Variants in DCLK1 observed in about 807,000 individuals in gnomAD.
The protein encoded by DCLK1 is serine/threonine-protein kinase DCLK1.
In DCLK1, 16 loss-of-function variants were observed where a neutral mutation model predicts 86.2. That is an observed-to-expected ratio of 0.19 (90% CI 0.13 to 0.28). The LOEUF is 0.28. Among genes scored for constraint, DCLK1 ranks in the 10% least tolerant of loss-of-function variants. The pLI is 1.00. For missense variants in DCLK1, 590 were observed against 940.2 expected (o/e 0.63, Z 4.87); for synonymous variants, 369 against 370.5 (o/e 1.00, Z 0.05).
At chr13:36,001,304 C>G (rs1334289376) in intron 3 of DCLK1, among the ~76,000 whole-genome samples, 2 of 152,140 alleles carry the variant, frequency 1.3e-5, no homozygotes, top group Non-Finnish European at 2.9e-5. Flanking sequence ...AAACATCCAA[C>G]AGCAAAAAAC....
intron 3 of DCLK1, among the ~76,000 whole-genome samples, chr13:35,967,311 C>T (rs1477830074): frequency 2.0e-5 from 3 of 152,188 alleles, no homozygotes; most frequent in Admixed American, 6.5e-5. Context: ...CCGGCCGCCA[C>T]CCCATCTGGG....
At chr13:36,086,221 G>A (rs551047434) in intron 3 of DCLK1, among the ~76,000 whole-genome samples, 2 of 152,032 alleles carry the variant, frequency 1.3e-5, no homozygotes, top group South Asian at 4.2e-4. Context: ...TAGCTCCTTC[G>A]ACAAACCAAG....
At chr13:35,972,830 G>A (rs1339568471) in intron 3 of DCLK1, among the ~76,000 whole-genome samples, 1 of 152,148 alleles carries the variant, frequency 6.6e-6, no homozygotes, top group Non-Finnish European at 1.5e-5. Flanking sequence ...CCTGTATCCT[G>A]ATGACACGCA....
chr13:36,013,425 T>G (rs1236195902), intron 3 of DCLK1, among the ~76,000 whole-genome samples: 6 of 152,110 alleles, frequency 3.9e-5, no homozygotes, highest in East Asian at 1.9e-4. Context: ...GTCCTTTCTG[T>G]TTGTTAGTTT....
chr13:36,115,575 T>G (rs1885756394), intron 2 of DCLK1, among the ~76,000 whole-genome samples: 1 of 152,086 alleles, frequency 6.6e-6, no homozygotes, highest in South Asian at 2.1e-4. Flanking sequence ...GATTCTATGA[T>G]AAGTCTGATT....
chr13:36,060,293 T>C (rs1206120627), intron 3 of DCLK1, among the ~76,000 whole-genome samples: 1 of 152,204 alleles, frequency 6.6e-6, no homozygotes, highest in Non-Finnish European at 1.5e-5. Context: ...AATCAACAAT[T>C]CATTCAATCA....
intron 5 of DCLK1, among the ~76,000 whole-genome samples, chr13:35,868,741 C>A (rs909260458): frequency 1.3e-5 from 2 of 152,014 alleles, no homozygotes; most frequent in Admixed American, 6.6e-5. Context: ...TGACTTTGTT[C>A]TCCTTTATTG....
At chr13:36,088,417 C>A (rs1301212524) in intron 3 of DCLK1, among the ~76,000 whole-genome samples, 1 of 152,206 alleles carries the variant, frequency 6.6e-6, no homozygotes, top group Non-Finnish European at 1.5e-5. Context: ...ATGTAGGGTC[C>A]AGTCTTAAGG....
At chr13:36,060,509 T>TAA (rs1566664420) in intron 3 of DCLK1, among the ~76,000 whole-genome samples, 1 of 152,224 alleles carries the variant, frequency 6.6e-6, no homozygotes, top group Non-Finnish European at 1.5e-5. Context: ...TTCCGTATTA[T>TAA]ACTTGACTGA....
At chr13:35,785,549 G>C (rs535531208) in intron 16 of DCLK1, among the ~76,000 whole-genome samples, 1 of 152,110 alleles carries the variant, frequency 6.6e-6, no homozygotes, top group Non-Finnish European at 1.5e-5. Context: ...GGAGAATGGA[G>C]AGAAAGGGGA....
chr13:35,828,165 A>AAGGG, intron 9 of DCLK1, 85 bp downstream of exon 9: 1 of 1,138,912 alleles, frequency 8.8e-7, no homozygotes. Flanking sequence ...CCTTAGGGTG[A>AAGGG]ACTTGTATTT....
At chr13:35,865,497 G>A (rs1479772509) in intron 5 of DCLK1, among the ~76,000 whole-genome samples, 1 of 152,104 alleles carries the variant, frequency 6.6e-6, no homozygotes, top group Non-Finnish European at 1.5e-5. Context: ...TAAGGCTTCT[G>A]GTTTCTCTTT....
chr13:35,983,641 T>C (rs886123701), intron 3 of DCLK1, among the ~76,000 whole-genome samples: 1 of 152,228 alleles, frequency 6.6e-6, no homozygotes, highest in African/African-American at 2.4e-5. Flanking sequence ...CAAAGGATAA[T>C]GCTTAAGGGA....
intron 3 of DCLK1, among the ~76,000 whole-genome samples, chr13:36,046,248 C>A (rs553257004): frequency 6.6e-6 from 1 of 152,162 alleles, no homozygotes; most frequent in Non-Finnish European, 1.5e-5. Flanking sequence ...ACTTAAATGT[C>A]ACAATGCAAA....
intron 4 of DCLK1, among the ~76,000 whole-genome samples, chr13:35,884,646 A>G (rs1307074295): frequency 2.0e-5 from 3 of 152,208 alleles, no homozygotes; most frequent in Non-Finnish European, 4.4e-5. Context: ...CCAGTCATGC[A>G]GAAAAGCAAG....
chr13:35,859,410 A>G (rs1593669634), intron 5 of DCLK1, among the ~76,000 whole-genome samples: 1 of 152,342 alleles, frequency 6.6e-6, no homozygotes, highest in East Asian at 1.9e-4. Context: ...CTCAACTTCA[A>G]AATGGATCAT....
At chr13:35,972,888 T>C (rs1165087686) in intron 3 of DCLK1, among the ~76,000 whole-genome samples, 1 of 152,158 alleles carries the variant, frequency 6.6e-6, no homozygotes, top group Non-Finnish European at 1.5e-5. Flanking sequence ...CTCTGTCCAC[T>C]GCATCTCACC....
rs1052234985 is a variant in DCLK1 at position 35,901,433 on chromosome 13, C to T, written c.824-30093G>A. On this transcript the variant is annotated intron_variant, in intron 4 of 16. Transcript: ENST00000360631. ...TGAACCCAGGAGATGGAGGTTGCAG[C>T]GAGCTGGGATTGTGCCACTGCACTC... is the stretch of plus-strand genomic sequence containing the variant. Among the ~76,000 whole-genome samples the T allele has an allele frequency of 4.0e-5, 5 of 123,822 alleles. No individual in the cohort carries two copies. The South Asian group carries it at 8.4e-4, about 21-fold the overall frequency. 81.2% of individuals were successfully genotyped at this position (123,822 alleles called of 152,430 possible).
At chr13:36,102,548 T>C (rs747605065) in intron 3 of DCLK1, among the ~76,000 whole-genome samples, 1 of 152,182 alleles carries the variant, frequency 6.6e-6, no homozygotes, top group Non-Finnish European at 1.5e-5. Context: ...CAGAAGTGAT[T>C]ATCCACAGAA....
Sources: allele counts gnomAD v4.1 joint callset (sites outside exome capture counted in the v4.1 genomes callset), GRCh38; gene constraint gnomAD v4.1.1; transcripts MANE v1.5; gene names NCBI Gene and HGNC (gene_info 2026-07-23, HGNC 2026-07-21).